The following LYN variants were observed in gnomAD, a reference collection of about 807,000 sequenced individuals.
LYN encodes tyrosine-protein kinase Lyn.
In LYN, 12 loss-of-function variants were observed where a neutral mutation model predicts 65.0. The observed-to-expected ratio is 0.18, with a 90% CI of 0.12 to 0.30. The LOEUF (loss-of-function observed/expected upper bound fraction) is 0.30. Ranked by LOEUF, LYN falls within the 10% of genes least tolerant of loss-of-function variation. LYN has a pLI of 1.00. For missense variants in LYN, 380 were observed against 623.2 expected (o/e 0.61, Z 4.16); for synonymous variants, 222 against 221.2 (o/e 1.00, Z -0.03).
chr8:55,886,234 C>T (rs894356291), intron 1 of LYN, among the ~76,000 whole-genome samples: 1 of 145,482 alleles, frequency 6.9e-6, no homozygotes, highest in African/African-American at 2.5e-5. Context: ...CAGTGGCTGT[C>T]AAACATCTTT....
chr8:55,991,037 A>G (rs1454913571), intron 10 of LYN, among the ~76,000 whole-genome samples: 1 of 152,104 alleles, frequency 6.6e-6, no homozygotes, highest in Non-Finnish European at 1.5e-5. Flanking sequence ...TATACCAACA[A>G]ATAGAGACAC....
At chr8:55,995,108 C>A (rs553620820) in intron 10 of LYN, among the ~76,000 whole-genome samples, 2 of 152,248 alleles carry the variant, frequency 1.3e-5, no homozygotes, top group East Asian at 3.9e-4. Flanking sequence ...AAATTGCCAC[C>A]CCGTGTCATC....
At chr8:55,955,794 C>T (rs1807089672) in intron 8 of LYN, among the ~76,000 whole-genome samples, 1 of 152,178 alleles carries the variant, frequency 6.6e-6, no homozygotes, top group Non-Finnish European at 1.5e-5. Flanking sequence ...TTGTGTCTGG[C>T]TTATTTCACC....
intron 1 of LYN, among the ~76,000 whole-genome samples, chr8:55,922,423 G>A (rs577500337): frequency 6.6e-6 from 1 of 152,064 alleles, no homozygotes; most frequent in African/African-American, 2.4e-5. Flanking sequence ...TTCTATGTGT[G>A]CCAGTGTATT....
intron 9 of LYN, among the ~76,000 whole-genome samples, chr8:55,968,726 C>T (rs1807528051): frequency 6.6e-6 from 1 of 152,204 alleles, no homozygotes; most frequent in Non-Finnish European, 1.5e-5. Context: ...TGTCAACCAT[C>T]ATGGTATGTG....
At chr8:55,880,625 C>T (rs1416462800) in intron 1 of LYN, among the ~76,000 whole-genome samples, 1 of 152,206 alleles carries the variant, frequency 6.6e-6, no homozygotes, top group African/African-American at 2.4e-5. Flanking sequence ...TCGAGGCCCG[C>T]GGACAGTTGC....
At chr8:55,928,548 C>T (rs759809889) in intron 1 of LYN, among the ~76,000 whole-genome samples, 2 of 152,138 alleles carry the variant, frequency 1.3e-5, no homozygotes, top group Non-Finnish European at 2.9e-5. Flanking sequence ...GGTGTCTATT[C>T]AGATCTGTTG....
intron 10 of LYN, among the ~76,000 whole-genome samples, chr8:55,984,913 GT>G (rs1347517516): frequency 2.6e-5 from 4 of 152,134 alleles, no homozygotes; most frequent in African/African-American, 9.7e-5. Flanking sequence ...ATGTTTCAGG[GT>G]TTCATGTGCT....
chr8:55,935,783 A>G (rs1301346799), intron 1 of LYN, among the ~76,000 whole-genome samples: 1 of 148,872 alleles, frequency 6.7e-6, no homozygotes, highest in African/African-American at 2.5e-5. Flanking sequence ...TCCATCCAAA[A>G]AAAAAAAAAA....
intron 1 of LYN, among the ~76,000 whole-genome samples, chr8:55,918,734 G>T (rs1805851022): frequency 6.6e-6 from 1 of 152,104 alleles, no homozygotes; most frequent in Non-Finnish European, 1.5e-5. Flanking sequence ...GAGGCTGAGG[G>T]ATTCAGGCTC....
At chr8:55,993,950 T>C (rs1307353356) in intron 10 of LYN, among the ~76,000 whole-genome samples, 1 of 152,198 alleles carries the variant, frequency 6.6e-6, no homozygotes, top group African/African-American at 2.4e-5. Flanking sequence ...TTGGTTTATG[T>C]ATTTATGTGA....
At chr8:55,943,654 A>T (rs984805772) in intron 2 of LYN, among the ~76,000 whole-genome samples, 1 of 151,872 alleles carries the variant, frequency 6.6e-6, no homozygotes, top group Non-Finnish European at 1.5e-5. Flanking sequence ...TTTTAGAAAT[A>T]TATTCCCATT....
intron 8 of LYN, among the ~76,000 whole-genome samples, chr8:55,957,753 G>C (rs1003487636): frequency 6.6e-6 from 1 of 152,112 alleles, no homozygotes; most frequent in South Asian, 2.1e-4. Context: ...GACTAGTCTG[G>C]ACAACATGGT....
At chr8:55,966,628 A>T (rs1321660585) in intron 8 of LYN, 87 bp from the exon 9 acceptor site, 1 of 1,228,334 alleles carries the variant, frequency 8.1e-7, no homozygotes, top group Non-Finnish European at 1.1e-6. Context: ...TCGACCTCCC[A>T]AAGTGCTGGG....
intron 12 of LYN, among the ~76,000 whole-genome samples, chr8:56,007,664 G>A (rs1207271252): frequency 2.0e-5 from 3 of 152,198 alleles, no homozygotes; most frequent in African/African-American, 4.8e-5. Context: ...GTAAGTTAAA[G>A]GCAGAGGATC....
At chr8:55,940,238 G>C (rs1806568537) in intron 1 of LYN, 1 of 152,246 alleles carries the variant, frequency 6.6e-6, no homozygotes, top group African/African-American at 2.4e-5. Context: ...AGATTTGGCA[G>C]TGCTTCAGAA....
intron 10 of LYN, among the ~76,000 whole-genome samples, chr8:55,971,022 C>T (rs2719244): frequency 0.21 from 31,268 of 152,192 alleles, 3,473 homozygotes; most frequent in Middle Eastern, 0.27. Context: ...GGGCAATGCC[C>T]ATCCTTCCAG....
chr8:55,912,335 G>C (rs1546518), intron 1 of LYN, among the ~76,000 whole-genome samples: 99,152 of 152,058 alleles, frequency 0.65, 32,707 homozygotes, highest in East Asian at 0.95. Context: ...AAGAAATCAG[G>C]CTTGAATACT....
chr8:55,929,654 A>G (rs1333879550), intron 1 of LYN, among the ~76,000 whole-genome samples: 2 of 152,206 alleles, frequency 1.3e-5, no homozygotes, highest in Non-Finnish European at 2.9e-5. Context: ...GGTTGTCACA[A>G]CTGGTAGCTG....
Sources: allele counts gnomAD v4.1 joint callset (sites outside exome capture counted in the v4.1 genomes callset), GRCh38; gene constraint gnomAD v4.1.1; transcripts MANE v1.5; gene names NCBI Gene and HGNC (gene_info 2026-07-23, HGNC 2026-07-21).